The following TEX11 variants were observed in gnomAD, a reference collection of about 807,000 sequenced individuals.
The protein encoded by TEX11 is testis expressed 11, also known as testis-expressed protein 11.
A neutral mutation model predicts 84.4 loss-of-function variants in TEX11; 7 were observed. The ratio of observed to expected loss-of-function variants is 0.08; its 90% CI spans 0.05 to 0.16. The LOEUF is 0.16. Ranked by LOEUF, TEX11 falls within the 10% of genes least tolerant of loss-of-function variation. The pLI is 1.00. For missense variants in TEX11, 551 were observed against 660.5 expected (o/e 0.83, Z 1.82); for synonymous variants, 264 against 222.8 (o/e 1.18, Z -1.64).
At chrX:70,839,507 G>T (rs372777503) in intron 7 of TEX11, among the ~76,000 whole-genome samples, 165 of 111,437 alleles carry the variant, frequency 1.5e-3, no homozygotes, top group African/African-American at 5.0e-3. Context: ...CATCATCAAA[G>T]AACAAAGGTA....
At chrX:70,817,165 T>C (rs1383471711) in intron 8 of TEX11, among the ~76,000 whole-genome samples, 3 of 108,373 alleles carry the variant, frequency 2.8e-5, no homozygotes, top group Non-Finnish European at 5.7e-5. Flanking sequence ...GTAATGGAAA[T>C]GTATGAGTGT....
intron 3 of TEX11, among the ~76,000 whole-genome samples, chrX:70,878,895 G>A (rs1177991841): frequency 1.8e-5 from 2 of 111,781 alleles, no homozygotes; most frequent in Non-Finnish European, 3.8e-5. Flanking sequence ...TAGATGAATG[G>A]ACAAACAAAA....
intron 8 of TEX11, among the ~76,000 whole-genome samples, chrX:70,815,708 C>A (rs1047236280): frequency 9.0e-6 from 1 of 111,147 alleles, no homozygotes; most frequent in Non-Finnish European, 1.9e-5. Flanking sequence ...ATGTCCCCCA[C>A]GGATAAGGGG....
rs755542733 is a variant in TEX11 at position 70,610,660 on chromosome X, GT to G, written c.1752-118del. On this transcript the variant is annotated intron_variant, in intron 20 of 29. Coordinates refer to ENST00000374333, the MANE Select transcript of TEX11 (RefSeq NM_031276.3). The stretch of plus-strand genomic sequence containing the variant: ...AACTAAGAAAATGCAAAATTGTGAA[GT>G]TTTTTGCTCAGGACTCCAATCTACC... 68 of 701,747 alleles carry G rather than the reference GT, an allele frequency of 9.7e-5. No homozygotes were observed. In the African/African-American group the frequency reaches 1.4e-3, roughly 14 times the overall value. 57.8% of individuals were successfully genotyped at this position (701,747 alleles called of 1,213,427 possible).
intron 25 of TEX11, among the ~76,000 whole-genome samples, chrX:70,585,868 C>A (rs1186191349): frequency 1.8e-5 from 2 of 111,998 alleles, no homozygotes; most frequent in Admixed American, 9.5e-5. Context: ...GCCTGACCAA[C>A]ATGGTGAAAC....
At chrX:70,723,818 C>G (rs2090579451) in intron 12 of TEX11, among the ~76,000 whole-genome samples, 1 of 111,846 alleles carries the variant, frequency 8.9e-6, no homozygotes, top group Admixed American at 9.6e-5. Flanking sequence ...ATAATGCCAG[C>G]AGTTAGGCTG....
intron 13 of TEX11, among the ~76,000 whole-genome samples, chrX:70,701,989 T>C (rs2090329673): frequency 8.9e-6 from 1 of 112,011 alleles, no homozygotes; most frequent in Non-Finnish European, 1.9e-5. Context: ...ATAAAGAAAG[T>C]GGTTTCTTGA....
rs751745447 is a variant in TEX11, at chrX:70,606,170, CATT to C, written c.1951-656_1951-654del. On this transcript the variant is annotated intron_variant, in intron 23 of 29. Transcript: ENST00000374333. ...CCAAACATTCAGTGATCATAATCAT[CATT>C]GTTATTAAATTAATAGCATTTTAAG... Among the ~76,000 whole-genome samples, 4 of 112,459 alleles carry C rather than the reference CATT, an allele frequency of 3.6e-5. No individual in the cohort carries two copies. The South Asian group carries it at 1.5e-3, about 41-fold the overall frequency.
chrX:70,651,381 C>A, intron 17 of TEX11, 69 bp downstream of exon 17: 1 of 718,713 alleles, frequency 1.4e-6, no homozygotes, highest in East Asian at 3.6e-5. Context: ...TTTTTTCCCA[C>A]TGTGGTTGAA....
intron 13 of TEX11, among the ~76,000 whole-genome samples, chrX:70,708,510 C>T (rs2090397001): frequency 9.0e-6 from 1 of 111,622 alleles, no homozygotes; most frequent in East Asian, 2.8e-4. Flanking sequence ...ATGTTCATCA[C>T]TGTGCTATTC....
chrX:70,827,072 A>T (rs1462343040), intron 8 of TEX11, among the ~76,000 whole-genome samples: 1 of 111,352 alleles, frequency 9.0e-6, no homozygotes, highest in African/African-American at 3.3e-5. Flanking sequence ...CTTGGATACC[A>T]GCTCAGCCAC....
At chrX:70,559,920 G>C (rs1490789515) in intron 25 of TEX11, among the ~76,000 whole-genome samples, 2 of 111,591 alleles carry the variant, frequency 1.8e-5, no homozygotes, top group East Asian at 5.6e-4. Context: ...GGTTTTAGCA[G>C]ATACTGCCAA....
chrX:70,561,388 C>CTTTTT (rs34112390), intron 25 of TEX11, among the ~76,000 whole-genome samples: 1 of 78,949 alleles, frequency 1.3e-5, no homozygotes, highest in Non-Finnish European at 2.3e-5. Flanking sequence ...TATCAATTTA[C>CTTTTT]TTTTTTTTTT....
chrX:70,631,385 C>A (rs1239391115), intron 17 of TEX11, among the ~76,000 whole-genome samples: 1 of 112,103 alleles, frequency 8.9e-6, no homozygotes, highest in African/African-American at 3.2e-5. Context: ...AGTAACACAT[C>A]TAAATAATCC....
intron 16 of TEX11, among the ~76,000 whole-genome samples, chrX:70,657,840 C>A (rs1340376947): frequency 1.0e-5 from 1 of 97,610 alleles, no homozygotes; most frequent in African/African-American, 3.8e-5. Flanking sequence ...AAACCAAACA[C>A]CGCATGTTCT....
chrX:70,845,758 G>A (rs983239836), intron 7 of TEX11, among the ~76,000 whole-genome samples: 8 of 111,178 alleles, frequency 7.2e-5, no homozygotes, highest in African/African-American at 2.0e-4. Flanking sequence ...AACCCAGGAG[G>A]TGGAGTTTGC....
intron 25 of TEX11, among the ~76,000 whole-genome samples, chrX:70,566,775 G>A (rs906971984): frequency 9.0e-6 from 1 of 111,671 alleles, no homozygotes; most frequent in Non-Finnish European, 1.9e-5. Context: ...TGGTGGATAA[G>A]CTTTTTGATG....
intron 7 of TEX11, among the ~76,000 whole-genome samples, chrX:70,842,950 C>A (rs1228532538): frequency 1.8e-5 from 2 of 111,465 alleles, no homozygotes; most frequent in African/African-American, 6.5e-5. Context: ...TCAAGGAGAA[C>A]TACAAACCAC....
intron 9 of TEX11, among the ~76,000 whole-genome samples, chrX:70,777,205 A>G (rs2091007744): frequency 1.8e-5 from 2 of 110,659 alleles, no homozygotes; most frequent in African/African-American, 6.6e-5. Context: ...AAATTCAAAG[A>G]AAAAAGTATT....
Sources: allele counts gnomAD v4.1 joint callset (sites outside exome capture counted in the v4.1 genomes callset), GRCh38; gene constraint gnomAD v4.1.1; transcripts MANE v1.5; gene names NCBI Gene and HGNC (gene_info 2026-07-23, HGNC 2026-07-21).